Variants in CDH4 observed in about 807,000 individuals in gnomAD.
The protein encoded by CDH4 is cadherin-4.
Under a neutral mutation model 86.0 loss-of-function variants are expected in CDH4, and 33 were observed. The ratio of observed to expected loss-of-function variants is 0.38; its 90% CI spans 0.29 to 0.51. The LOEUF is 0.51. Ranked by LOEUF, CDH4 falls within the 20% of genes least tolerant of loss-of-function variation. CDH4 has a pLI of 0.86. For synonymous variants in CDH4, 555 were observed against 549.4 expected, an observed-to-expected ratio of 1.01 and a Z score of -0.14; for missense variants, 1,114 against 1,307.4, an observed-to-expected ratio of 0.85 and a Z score of 2.28.
rs1376921567 is a variant in CDH4, at chr20:61,805,181, C to A, written c.576+31999C>A. 2.0e-5 allele frequency among the ~76,000 whole-genome samples: 3 copies of A among 152,222 alleles called. No homozygotes were observed. The East Asian group carries it at 5.8e-4, about 29-fold the overall frequency. Reference sequence around the variant, plus strand: ...GGTACGGTGCTGAGAAGACTCTAGGCTCTGCTTGGCCAGTCCTTGACCCAG... The same window carrying A: ...GGTACGGTGCTGAGAAGACTCTAGGATCTGCTTGGCCAGTCCTTGACCCAG... On this transcript the variant is annotated intron_variant, in intron 4 of 15. Coordinates refer to ENST00000614565, the MANE Select transcript of CDH4 (RefSeq NM_001794.5).
chr20:61,524,030 G>A (rs1389274447), intron 2 of CDH4, among the ~76,000 whole-genome samples: 2 of 152,100 alleles, frequency 1.3e-5, no homozygotes, highest in East Asian at 1.9e-4. Flanking sequence ...TGAACTGTAG[G>A]GCTTCCCAAA....
intron 7 of CDH4, among the ~76,000 whole-genome samples, chr20:61,892,530 G>A (rs1984869457): frequency 6.6e-6 from 1 of 152,186 alleles, no homozygotes; most frequent in South Asian, 2.1e-4. Flanking sequence ...CTGGAGGGCT[G>A]GGAGAGAATT....
intron 2 of CDH4, among the ~76,000 whole-genome samples, chr20:61,420,548 A>G (rs937088229): frequency 6.6e-6 from 1 of 152,258 alleles, no homozygotes; most frequent in African/African-American, 2.4e-5. Flanking sequence ...ACCATGTGGC[A>G]GTGTCCAGTA....
chr20:61,515,698 C>T (rs936203037), intron 2 of CDH4, among the ~76,000 whole-genome samples: 3 of 152,222 alleles, frequency 2.0e-5, no homozygotes, highest in African/African-American at 7.2e-5. Flanking sequence ...TGTAGTCTAC[C>T]CCGCCTGGCC....
At position 61,561,447 on chromosome 20, in the gene CDH4, G is replaced by A. The variant is rs755291751; in HGVS notation, c.170-182116G>A. Among the ~76,000 whole-genome samples the A allele has an allele frequency of 6.7e-4, 102 of 152,390 alleles. 1 individual carries two copies. The highest frequency in any genetic ancestry group is 9.6e-4 in the Non-Finnish European group (65 of 68,044). On this transcript the variant is annotated intron_variant, in intron 2 of 15. Coordinates refer to ENST00000614565, the MANE Select transcript of CDH4 (RefSeq NM_001794.5). Reference sequence around the variant, plus strand: ...GGGTGCAGGCCAAGCCAGGGCTGGAGGCCCTGGGCCGTCCCTCTTCCCGTC... The same window carrying A: ...GGGTGCAGGCCAAGCCAGGGCTGGAAGCCCTGGGCCGTCCCTCTTCCCGTC...
rs561746757 is a variant in CDH4 at position 61,365,503 on chromosome 20, A to G, written c.169+110566A>G. ...ACAGGAGGCGGCACTCACTATCTCC[A>G]GAGGACCCAGAAAGGCTTCTGGTTG... On this transcript the variant is annotated intron_variant, in intron 2 of 15. Transcript: ENST00000614565. Among the ~76,000 whole-genome samples the G allele has an allele frequency of 1.7e-4, 26 of 152,196 alleles. No individual in the cohort carries two copies. The South Asian group carries it at 4.6e-3, about 27-fold the overall frequency.
intron 2 of CDH4, among the ~76,000 whole-genome samples, chr20:61,257,637 C>G (rs2084106002): frequency 1.3e-5 from 2 of 152,224 alleles, no homozygotes; most frequent in Non-Finnish European, 2.9e-5. Flanking sequence ...TGATGCATGG[C>G]CGTATCTAAA....
Position 61,480,281 on chromosome 20 carries a change from C to T in CDH4, c.169+225344C>T, listed in dbSNP as rs1310323823. 2.6e-5 allele frequency among the ~76,000 whole-genome samples: 4 copies of T among 152,138 alleles called. No homozygotes were observed. Among genetic ancestry groups the T allele is most frequent in the East Asian group, 1.9e-4 (1 of 5,178 alleles). On this transcript the variant is annotated intron_variant, in intron 2 of 15. Transcript: ENST00000614565. The surrounding 1 kb of genome is among the most constrained non-coding windows in gnomAD (Gnocchi z 5.2). ...GCCTGGAAACTCCCCAAGCGGAAGC[C>T]GGGGCAGCTGTGGCGCCCCCTGGCT...
intron 2 of CDH4, among the ~76,000 whole-genome samples, chr20:61,478,594 G>A (rs12481200): frequency 0.35 from 52,445 of 151,872 alleles, 11,022 homozygotes; most frequent in Admixed American, 0.48. Flanking sequence ...ATTTATGAGT[G>A]CCTGATGTGT....
intron 2 of CDH4, among the ~76,000 whole-genome samples, chr20:61,606,423 G>A (rs1379389240): frequency 6.6e-6 from 1 of 152,214 alleles, no homozygotes; most frequent in African/African-American, 2.4e-5. Flanking sequence ...GGGGAGCTGG[G>A]ATTTGAACCC....
chr20:61,770,807 C>CG (rs1412968291), intron 3 of CDH4, among the ~76,000 whole-genome samples: 1 of 148,062 alleles, frequency 6.8e-6, no homozygotes, highest in African/African-American at 2.5e-5. Context: ...GGCATGAGCC[C>CG]GGGAGGCGGT....
intron 13 of CDH4, among the ~76,000 whole-genome samples, chr20:61,932,042 G>A (rs959957264): frequency 2.6e-5 from 4 of 152,180 alleles, no homozygotes; most frequent in African/African-American, 9.6e-5. Flanking sequence ...TCCCCTCTCT[G>A]GGCCCCTATC....
intron 2 of CDH4, among the ~76,000 whole-genome samples, chr20:61,646,952 G>A (rs562489197): frequency 1.3e-5 from 2 of 152,328 alleles, no homozygotes; most frequent in South Asian, 2.1e-4. Flanking sequence ...TCTGTGATTC[G>A]GGAAGACTGG....
chr20:61,378,935 T>A (rs6142739), intron 2 of CDH4, among the ~76,000 whole-genome samples: 1 of 152,144 alleles, frequency 6.6e-6, no homozygotes, highest in Non-Finnish European at 1.5e-5. Context: ...CCACAGATGT[T>A]AAGCATCCAT....
chr20:61,913,620 C>T (rs1331944760), intron 9 of CDH4, among the ~76,000 whole-genome samples: 2 of 152,186 alleles, frequency 1.3e-5, no homozygotes, highest in African/African-American at 2.4e-5. Context: ...GCCTGGGCAC[C>T]GCCACCCCGG....
chr20:61,477,132 T>TCC (rs1434348202), intron 2 of CDH4, among the ~76,000 whole-genome samples: 1 of 152,114 alleles, frequency 6.6e-6, no homozygotes, highest in Non-Finnish European at 1.5e-5. Context: ...AGATGCCTGG[T>TCC]CCCTGCCTCC....
chr20:61,803,693 A>G (rs899637672), intron 4 of CDH4, among the ~76,000 whole-genome samples: 3 of 152,240 alleles, frequency 2.0e-5, no homozygotes, highest in African/African-American at 4.8e-5. Flanking sequence ...GCGTTCCCCA[A>G]GGGAGGTTGG....
At chr20:61,584,833 G>A (rs562532789) in intron 2 of CDH4, among the ~76,000 whole-genome samples, 2 of 145,736 alleles carry the variant, frequency 1.4e-5, no homozygotes, top group African/African-American at 5.1e-5. Flanking sequence ...CACGGGGCGC[G>A]CTGCCTGGGC....
chr20:61,790,137 C>T (rs1294041189), intron 4 of CDH4, among the ~76,000 whole-genome samples: 1 of 152,024 alleles, frequency 6.6e-6, no homozygotes, highest in Non-Finnish European at 1.5e-5. Context: ...ATCCTCTGTC[C>T]ACCCATCCAC....
Sources: gnomAD v4.1 joint callset for allele counts (sites outside exome capture counted in the v4.1 genomes callset) on GRCh38, gnomAD v4.1.1 for gene constraint, Gnocchi (gnomAD v3.1) non-coding constraint, MANE v1.5 for transcripts, NCBI Gene and HGNC (gene_info 2026-07-23, HGNC 2026-07-21) for gene names.